SCARB2: variants seen among roughly 807,000 people sequenced by gnomAD.
SCARB2 encodes lysosome membrane protein 2.
In SCARB2, 29 loss-of-function variants were observed where a neutral mutation model predicts 58.6. The observed-to-expected ratio is 0.49, with a 90% CI of 0.37 to 0.67. SCARB2 has a LOEUF of 0.67. SCARB2 is among the 30% of genes least tolerant of loss of function. SCARB2 has a pLI of 0.00. For synonymous variants in SCARB2, 195 were observed against 210.1 expected (o/e 0.93, Z 0.62); for missense variants, 488 against 578.5 (o/e 0.84, Z 1.60).
chr4:76,175,980 G>A, intron 5 of SCARB2, 70 bp from the exon 6 acceptor site: 3 of 1,578,362 alleles, frequency 1.9e-6, no homozygotes, highest in Non-Finnish European at 2.6e-6. Context: ...AAATGGTCAG[G>A]ACTTTGCAAG....
intron 1 of SCARB2, among the ~76,000 whole-genome samples, chr4:76,201,312 A>G (rs1027446468): frequency 2.0e-5 from 3 of 152,084 alleles, no homozygotes; most frequent in African/African-American, 7.2e-5. Flanking sequence ...CTTTCATGAA[A>G]CTTCACAAGT....
chr4:76,195,822 C>T lies in SCARB2; in HGVS notation c.160G>A (p.Glu54Lys), dbSNP rs770251893. 1.2e-6 allele frequency: 2 copies of T among 1,613,790 alleles called. No homozygotes were observed. Among genetic ancestry groups the T allele is most frequent in the Middle Eastern group, 1.7e-4 (1 of 6,040 alleles). ...RNGTEAFDSW[E>K]KPPLPVYTQF... ...GTATACACAGGCAGAGGGGGCTTCT[C>T]CCAGGAGTCAAATGCCTCAGTACCA... Residue 54 changes from glutamate to lysine, a missense_variant, in exon 2 of 12, where the codon GAG (glutamate) becomes AAG (lysine). By Grantham distance (56) the Glu-to-Lys change is moderately conservative (BLOSUM62 1). Transcript: ENST00000264896.
At chr4:76,212,451 T>C (rs1578742887) in intron 1 of SCARB2, among the ~76,000 whole-genome samples, 1 of 152,240 alleles carries the variant, frequency 6.6e-6, no homozygotes, top group Admixed American at 6.5e-5. Context: ...ATAGCTTTAC[T>C]GACTGGAGAG....
rs773017713 is a variant in SCARB2 at position 76,179,549 on chromosome 4, C to T, written c.580G>A (p.Asp194Asn). The change falls in exon 4 of 12, where the codon GAT (aspartate) becomes AAT (asparagine). Residue 194 changes from aspartate (D) to asparagine (N), a missense_variant. Coordinates refer to ENST00000264896, the MANE Select transcript of SCARB2 (RefSeq NM_005506.4). ...ILSLIHVFRP[D>N]ISPYFGLFYE... The stretch of plus-strand genomic sequence containing the variant: ...AATAGGCCAAAATAGGGAGAGATAT[C>T]GGGCCTGAAAACATGGATAAGGGAC... The T allele has an allele frequency of 3.8e-5, 61 of 1,614,044 alleles. No individual in the cohort carries two copies. In the East Asian group the frequency reaches 1.0e-3, roughly 27 times the overall value.
chr4:76,234,190 G>A (rs1733542221), intron 1 of SCARB2: 1 of 152,476 alleles, frequency 6.6e-6, no homozygotes, highest in African/African-American at 2.4e-5. Context: ...AAAAGGCCAT[G>A]AAAAGGCTGG....
chr4:76,213,947 G>A, upstream of SCARB2: 1 of 167,576 alleles, frequency 6.0e-6, no homozygotes, highest in Middle Eastern at 2.9e-3. Context: ...GCCCTGCGGC[G>A]GCGGCAGTGA....
At chr4:76,202,020 C>T (rs1732837361) in intron 1 of SCARB2, among the ~76,000 whole-genome samples, 2 of 152,078 alleles carry the variant, frequency 1.3e-5, no homozygotes, top group East Asian at 1.9e-4. Flanking sequence ...CTAAAAACTC[C>T]TTGATATAAC....
chr4:76,209,597 G>A (rs184142089), intron 1 of SCARB2, among the ~76,000 whole-genome samples: 25 of 152,232 alleles, frequency 1.6e-4, no homozygotes, highest in Admixed American at 6.5e-4. Context: ...TCGAACTCCC[G>A]ACCTTGTGAT....
At chr4:76,225,451 T>C (rs972054693) in intron 1 of SCARB2, among the ~76,000 whole-genome samples, 1 of 152,232 alleles carries the variant, frequency 6.6e-6, no homozygotes, top group Non-Finnish European at 1.5e-5. Context: ...AAAATGGGCA[T>C]CCTTGTCTTG....
At chr4:76,218,805 A>C (rs960865761), upstream of SCARB2, among the ~76,000 whole-genome samples, 2 of 152,136 alleles carry the variant, frequency 1.3e-5, no homozygotes, top group African/African-American at 4.8e-5. Context: ...GAGTCAGGAG[A>C]TCAAAGAGGA....
chr4:76,220,657 AC>A (rs1370374904), intron 1 of SCARB2, among the ~76,000 whole-genome samples: 1 of 152,182 alleles, frequency 6.6e-6, no homozygotes, highest in Non-Finnish European at 1.5e-5. Context: ...ACATGCTACT[AC>A]AGTGCAGACT....
intron 1 of SCARB2, among the ~76,000 whole-genome samples, chr4:76,199,249 C>CA (rs1273427638): frequency 1.3e-5 from 2 of 152,214 alleles, no homozygotes; most frequent in Non-Finnish European, 2.9e-5. Context: ...CTCACCCATC[C>CA]AGCAGCTGCC....
At chr4:76,217,702 A>C (rs1402253216), upstream of SCARB2, 2 of 580,516 alleles carry the variant, frequency 3.4e-6, no homozygotes, top group Non-Finnish European at 6.2e-6. Flanking sequence ...TTGTTATAGC[A>C]ACACAAACAG....
intron 2 of SCARB2, among the ~76,000 whole-genome samples, chr4:76,182,429 C>A (rs961890191): frequency 2.0e-5 from 3 of 152,098 alleles, no homozygotes; most frequent in African/African-American, 7.2e-5. Flanking sequence ...AATATATTAT[C>A]AAAATTAATT....
intron 2 of SCARB2, among the ~76,000 whole-genome samples, chr4:76,189,368 G>C (rs759676291): frequency 1.3e-5 from 2 of 152,158 alleles, no homozygotes; most frequent in Non-Finnish European, 2.9e-5. Flanking sequence ...AGCATGGCTG[G>C]GGAGGCCTCA....
At chr4:76,202,107 T>G (rs1467323912) in intron 1 of SCARB2, among the ~76,000 whole-genome samples, 2 of 152,312 alleles carry the variant, frequency 1.3e-5, no homozygotes, top group Non-Finnish European at 2.9e-5. Context: ...TATGATAAAT[T>G]ATCAATCTAC....
At chr4:76,206,765 T>C (rs1054502862) in intron 1 of SCARB2, among the ~76,000 whole-genome samples, 12 of 151,610 alleles carry the variant, frequency 7.9e-5, no homozygotes, top group African/African-American at 2.7e-4. Context: ...AGAAGGGAAT[T>C]ACTGAGTAAT....
At chr4:76,191,342 T>C (rs1382699980) in intron 2 of SCARB2, among the ~76,000 whole-genome samples, 1 of 152,192 alleles carries the variant, frequency 6.6e-6, no homozygotes, top group Admixed American at 6.5e-5. Flanking sequence ...ACCAATAATA[T>C]AGTTTTGGTG....
At chr4:76,204,638 G>A (rs776409383) in intron 1 of SCARB2, among the ~76,000 whole-genome samples, 6 of 152,150 alleles carry the variant, frequency 3.9e-5, no homozygotes, top group African/African-American at 9.7e-5. Context: ...AATTGGGAGC[G>A]GGAGGGGAAT....
Sources: allele counts gnomAD v4.1 joint callset (sites outside exome capture counted in the v4.1 genomes callset), GRCh38; gene constraint gnomAD v4.1.1; transcripts MANE v1.5; gene names NCBI Gene and HGNC (gene_info 2026-07-23, HGNC 2026-07-21).